Variants in KHDRBS2 observed in about 807,000 individuals in gnomAD.
KHDRBS2 encodes KH domain-containing, RNA-binding, signal transduction-associated protein 2.
In KHDRBS2, 26 loss-of-function variants were observed where a neutral mutation model predicts 44.3. The observed-to-expected ratio is 0.59, with a 90% CI of 0.43 to 0.81. KHDRBS2 has a LOEUF of 0.81. Ranked by LOEUF, KHDRBS2 falls within the 40% of genes least tolerant of loss-of-function variation. The probability of loss-of-function intolerance (pLI) is 0.00; values close to 1 mark genes in which losing one functional copy is unlikely to be tolerated. For synonymous variants in KHDRBS2, 194 were observed against 151.1 expected (o/e 1.28, Z -2.08); for missense variants, 476 against 433.1 (o/e 1.10, Z -0.88).
intron 6 of KHDRBS2, among the ~76,000 whole-genome samples, chr6:61,850,330 C>T (rs986987503): frequency 6.6e-6 from 1 of 151,930 alleles, no homozygotes; most frequent in African/African-American, 2.4e-5. Flanking sequence ...TTGACTAGCC[C>T]TAAGCCAATC....
the KHDRBS2 span, among the ~76,000 whole-genome samples, chr6:61,551,295 A>AT: frequency 1.2e-3 from 176 of 151,824 alleles, no homozygotes; most frequent in Middle Eastern, 6.9e-3. Context: ...GTCTGCAAAT[A>AT]TTTTTTCCCA....
intron 4 of KHDRBS2, among the ~76,000 whole-genome samples, chr6:61,949,261 A>T (rs1415922333): frequency 6.6e-5 from 10 of 152,134 alleles, no homozygotes; most frequent in African/African-American, 2.4e-4. Context: ...TTGTGACTTG[A>T]TTCTCAATCT....
At chr6:61,566,407 C>T in the KHDRBS2 span, among the ~76,000 whole-genome samples, 4 of 152,156 alleles carry the variant, frequency 2.6e-5, no homozygotes, top group Admixed American at 2.0e-4. Context: ...ATGTTCCCAA[C>T]ACAAACAAAT....
At chr6:61,958,812 A>C (rs1238090450) in intron 4 of KHDRBS2, among the ~76,000 whole-genome samples, 2 of 152,112 alleles carry the variant, frequency 1.3e-5, no homozygotes, top group Non-Finnish European at 2.9e-5. Context: ...CCTTTGATCT[A>C]TAACTCAATC....
At chr6:61,920,039 C>T (rs1484096285) in intron 4 of KHDRBS2, among the ~76,000 whole-genome samples, 5 of 151,810 alleles carry the variant, frequency 3.3e-5, no homozygotes, top group East Asian at 1.9e-4. Flanking sequence ...GTAGATAAAA[C>T]GCATGACTAT....
chr6:62,216,066 GTTGGA>G (rs1358858079), intron 1 of KHDRBS2, among the ~76,000 whole-genome samples: 1 of 151,600 alleles, frequency 6.6e-6, no homozygotes, highest in African/African-American at 2.4e-5. Context: ...GTTCATGCAT[GTTGGA>G]TTGATCTTAA....
the KHDRBS2 span, among the ~76,000 whole-genome samples, chr6:61,612,094 A>C: frequency 6.6e-6 from 1 of 151,824 alleles, no homozygotes; most frequent in Admixed American, 6.6e-5. Context: ...GCAAAAAGTA[A>C]AGTACTAGAA....
intron 7 of KHDRBS2, among the ~76,000 whole-genome samples, chr6:61,725,636 C>T (rs1773428269): frequency 6.6e-6 from 1 of 152,090 alleles, no homozygotes; most frequent in Admixed American, 6.6e-5. Flanking sequence ...CACAGAAATA[C>T]AAACGACCAT....
chr6:61,932,124 T>A (rs932386802), intron 4 of KHDRBS2, among the ~76,000 whole-genome samples: 1 of 152,100 alleles, frequency 6.6e-6, no homozygotes, highest in Non-Finnish European at 1.5e-5. Flanking sequence ...TGTAGTTAAG[T>A]TTTTGGAGAG....
At chr6:61,915,553 G>T (rs931521083) in intron 4 of KHDRBS2, among the ~76,000 whole-genome samples, 10 of 152,016 alleles carry the variant, frequency 6.6e-5, no homozygotes, top group African/African-American at 2.2e-4. Context: ...TGGAAATGTG[G>T]CCGAATGCCT....
At chr6:61,855,007 T>A (rs1295957226) in intron 6 of KHDRBS2, among the ~76,000 whole-genome samples, 1 of 152,124 alleles carries the variant, frequency 6.6e-6, no homozygotes, top group Non-Finnish European at 1.5e-5. Flanking sequence ...TGACAATGAA[T>A]TTAACCTCCC....
intron 6 of KHDRBS2, chr6:61,816,644 G>C: frequency 2.2e-6 from 1 of 450,166 alleles, no homozygotes; most frequent in Non-Finnish European, 4.5e-6. Flanking sequence ...ACAATGCTAT[G>C]AAACAAATAC....
At chr6:62,217,245 T>C (rs1563080140) in intron 1 of KHDRBS2, among the ~76,000 whole-genome samples, 1 of 151,694 alleles carries the variant, frequency 6.6e-6, no homozygotes, top group Non-Finnish European at 1.5e-5. Context: ...ATCCAGATCT[T>C]TAACAATCAA....
intron 1 of KHDRBS2, among the ~76,000 whole-genome samples, chr6:62,182,154 G>A (rs1822444555): frequency 6.6e-6 from 1 of 151,948 alleles, no homozygotes; most frequent in South Asian, 2.1e-4. Flanking sequence ...CTAGAATTGT[G>A]AGAAATAAAT....
At chr6:62,149,659 C>A (rs1376444718) in intron 2 of KHDRBS2, among the ~76,000 whole-genome samples, 1 of 120,668 alleles carries the variant, frequency 8.3e-6, no homozygotes, top group Non-Finnish European at 2.0e-5. Context: ...TGAGAATTAA[C>A]TGATATAAAA....
intron 1 of KHDRBS2, among the ~76,000 whole-genome samples, chr6:62,197,279 G>A (rs1825900320): frequency 6.6e-6 from 1 of 152,064 alleles, no homozygotes; most frequent in South Asian, 2.1e-4. Flanking sequence ...TAGGTACTGT[G>A]ATATCAAGTT....
At chr6:61,837,227 C>T (rs1490629448) in intron 6 of KHDRBS2, among the ~76,000 whole-genome samples, 1 of 151,994 alleles carries the variant, frequency 6.6e-6, no homozygotes, top group African/African-American at 2.4e-5. Flanking sequence ...CAAAGCATTA[C>T]TATTTGAGTG....
chr6:62,009,308 G>A (rs1779847935), intron 3 of KHDRBS2, among the ~76,000 whole-genome samples: 1 of 152,144 alleles, frequency 6.6e-6, no homozygotes, highest in African/African-American at 2.4e-5. Context: ...ATGATTTAGG[G>A]TATCAGTTGG....
At chr6:62,090,252 G>A (rs1237006193) in intron 2 of KHDRBS2, among the ~76,000 whole-genome samples, 1 of 152,174 alleles carries the variant, frequency 6.6e-6, no homozygotes, top group East Asian at 1.9e-4. Context: ...CCTTGAAAAG[G>A]TTAGAAATTT....
Sources: allele counts gnomAD v4.1 joint callset (sites outside exome capture counted in the v4.1 genomes callset), GRCh38; gene constraint gnomAD v4.1.1; transcripts MANE v1.5; gene names NCBI Gene and HGNC (gene_info 2026-07-23, HGNC 2026-07-21).